Variants in PPP2R2C observed in about 807,000 individuals in gnomAD.
PPP2R2C encodes protein phosphatase 2 regulatory subunit Bgamma.
A neutral mutation model predicts 45.3 loss-of-function variants in PPP2R2C; 10 were observed. That is an observed-to-expected ratio of 0.22 (90% CI 0.14 to 0.37). The LOEUF is 0.37. PPP2R2C is among the 10% of genes least tolerant of loss of function. The probability of loss-of-function intolerance (pLI) is 1.00; values close to 1 mark genes in which losing one functional copy is unlikely to be tolerated. For synonymous variants in PPP2R2C, 257 were observed against 245.4 expected, an observed-to-expected ratio of 1.05 and a Z score of -0.44; for missense variants, 308 against 619.7, an observed-to-expected ratio of 0.50 and a Z score of 5.34.
chr4:6,434,972 G>A (rs528218970), intron 1 of PPP2R2C, among the ~76,000 whole-genome samples: 5 of 152,032 alleles, frequency 3.3e-5, no homozygotes, highest in Non-Finnish European at 5.9e-5. Context: ...ACTTCTCTAT[G>A]TCTTTCTGTT....
At chr4:6,548,854 G>A (rs1204397267) in intron 1 of PPP2R2C, among the ~76,000 whole-genome samples, 1 of 152,178 alleles carries the variant, frequency 6.6e-6, no homozygotes, top group Non-Finnish European at 1.5e-5. Flanking sequence ...GGACAGCAAA[G>A]TCTTTCTTGA....
chr4:6,395,599 G>A (rs116684182), intron 1 of PPP2R2C, among the ~76,000 whole-genome samples: 2,111 of 152,296 alleles, frequency 0.014, 24 homozygotes, highest in Non-Finnish European at 0.022. Flanking sequence ...CCCCCACAGC[G>A]GGGGCTGATC....
intron 2 of PPP2R2C, among the ~76,000 whole-genome samples, chr4:6,497,449 G>C (rs1043160007): frequency 6.6e-6 from 1 of 151,928 alleles, no homozygotes; most frequent in Admixed American, 6.6e-5. Context: ...CGGTGGTGCT[G>C]GGAGATTGTT....
intron 1 of PPP2R2C, 43 bp downstream of exon 1, chr4:6,472,117 C>T (rs1316766672): frequency 6.2e-7 from 1 of 1,612,082 alleles, no homozygotes; most frequent in Non-Finnish European, 8.5e-7. Context: ...GGCATCCCCA[C>T]GCCGCGGCCG....
chr4:6,546,317 T>C (rs551822090), intron 1 of PPP2R2C, among the ~76,000 whole-genome samples: 1 of 152,324 alleles, frequency 6.6e-6, no homozygotes, highest in African/African-American at 2.4e-5. Context: ...GGGGGTGCAC[T>C]GGAGGGGCCG....
chr4:6,382,855 G>T, intron 1 of PPP2R2C: 1 of 1,138,504 alleles, frequency 8.8e-7, no homozygotes, highest in African/African-American at 1.6e-5. Context: ...AGAGAGGCTG[G>T]TAACACCCAG....
intron 2 of PPP2R2C, among the ~76,000 whole-genome samples, chr4:6,516,344 G>A (rs1427391896): frequency 6.6e-6 from 1 of 152,224 alleles, no homozygotes; most frequent in Non-Finnish European, 1.5e-5. Flanking sequence ...CAAGGACTGT[G>A]TGCACAGCAA....
At chr4:6,560,599 C>T (rs1459430220) in intron 1 of PPP2R2C, among the ~76,000 whole-genome samples, 3 of 152,190 alleles carry the variant, frequency 2.0e-5, no homozygotes, top group African/African-American at 7.2e-5. Context: ...TCCCTGGATC[C>T]TACAAAGCAC....
At chr4:6,449,588 C>T (rs539515271) in intron 1 of PPP2R2C, among the ~76,000 whole-genome samples, 472 of 152,362 alleles carry the variant, frequency 3.1e-3, no homozygotes, top group African/African-American at 0.011. Flanking sequence ...CTCACCCCCA[C>T]ATCCTCACGT....
intron 6 of PPP2R2C, among the ~76,000 whole-genome samples, chr4:6,347,375 T>C (rs2109223609): frequency 6.6e-6 from 1 of 152,164 alleles, no homozygotes; most frequent in East Asian, 1.9e-4. Context: ...TGGTGGGTTC[T>C]AGGATGAGGG....
At chr4:6,446,468 T>A (rs1720425778) in intron 1 of PPP2R2C, among the ~76,000 whole-genome samples, 1 of 151,924 alleles carries the variant, frequency 6.6e-6, no homozygotes, top group South Asian at 2.1e-4. Context: ...TCACGTTGCC[T>A]CCCTGAGCCT....
chr4:6,348,114 G>T (rs978391579), intron 5 of PPP2R2C, 104 bp from the exon 6 acceptor site: 1 of 1,333,506 alleles, frequency 7.5e-7, no homozygotes, highest in Non-Finnish European at 1.0e-6. Flanking sequence ...GTCCACCCTC[G>T]CGTCTGAGCT....
chr4:6,364,126 C>A lies in PPP2R2C; in HGVS notation c.625+8397G>T, dbSNP rs1462689871. Among the ~76,000 whole-genome samples the A allele has an allele frequency of 6.6e-6, 1 of 152,186 alleles. No homozygotes were observed. Among genetic ancestry groups the A allele is most frequent in the Non-Finnish European group, 1.5e-5 (1 of 68,038 alleles). The stretch of plus-strand genomic sequence containing the variant: ...ACAGGGAACGAGGTAGAGGCCAAGC[C>A]TCTAGGGAAGGGGCTCGAGGGAGTC... On this transcript the variant is annotated intron_variant, in intron 5 of 8. Coordinates refer to ENST00000382599, the MANE Select transcript of PPP2R2C (RefSeq NM_020416.4). This position sits in a 1 kb window ranked among gnomAD's most constrained non-coding sequence, Gnocchi z 5.3.
At chr4:6,530,575 G>A (rs969665988) in intron 2 of PPP2R2C, among the ~76,000 whole-genome samples, 6 of 152,256 alleles carry the variant, frequency 3.9e-5, no homozygotes, top group South Asian at 2.1e-4. Context: ...CCCGCTGTCC[G>A]GGTAACAACA....
intron 2 of PPP2R2C, among the ~76,000 whole-genome samples, chr4:6,511,373 CGGTGATGGTGGTGATGGTGATGGT>C (rs1560593449): frequency 9.0e-6 from 1 of 111,462 alleles, no homozygotes; most frequent in Non-Finnish European, 2.0e-5. Flanking sequence ...GTGGTGGTGG[CGGTGATGGTGGTGATGGTGATGGT>C]GGTGATGGTG....
chr4:6,356,182 T>A (rs1332846405), intron 5 of PPP2R2C, among the ~76,000 whole-genome samples: 1 of 152,214 alleles, frequency 6.6e-6, no homozygotes, highest in Middle Eastern at 3.4e-3. Context: ...GCTTGTGTCA[T>A]TCACCTGACT....
At chr4:6,432,260 C>T in intron 1 of PPP2R2C, among the ~76,000 whole-genome samples, 1 of 152,206 alleles carries the variant, frequency 6.6e-6, no homozygotes. Context: ...GCCATGTTCA[C>T]CTGCTGCCCA....
intron 1 of PPP2R2C, among the ~76,000 whole-genome samples, chr4:6,422,706 T>C (rs1396630042): frequency 6.6e-6 from 1 of 152,162 alleles, no homozygotes; most frequent in Non-Finnish European, 1.5e-5. Context: ...GACACAGTCA[T>C]ATTGGATCAG....
chr4:6,420,003 A>C (rs1392206766), intron 1 of PPP2R2C, among the ~76,000 whole-genome samples: 1 of 152,236 alleles, frequency 6.6e-6, no homozygotes, highest in Admixed American at 6.5e-5. Flanking sequence ...TGAGGTTCCA[A>C]GTGGACATTA....
Sources: gnomAD v4.1 joint callset for allele counts (sites outside exome capture counted in the v4.1 genomes callset) on GRCh38, gnomAD v4.1.1 for gene constraint, Gnocchi (gnomAD v3.1) non-coding constraint, MANE v1.5 for transcripts, NCBI Gene and HGNC (gene_info 2026-07-23, HGNC 2026-07-21) for gene names.